The following WDR4 variants were observed in gnomAD, a reference collection of about 807,000 sequenced individuals.
The protein encoded by WDR4 is tRNA (guanine-N(7)-)-methyltransferase non-catalytic subunit WDR4.
In WDR4, 47 loss-of-function variants were observed where a neutral mutation model predicts 48.6. That is an observed-to-expected ratio of 0.97 (90% CI 0.77 to 1.23). The LOEUF (loss-of-function observed/expected upper bound fraction) is 1.23, where lower values mean the gene tolerates loss of function less well. Among genes scored for constraint, WDR4 ranks in the 50% most tolerant of loss-of-function variants. WDR4 has a pLI of 0.00. For missense variants in WDR4, 606 were observed against 551.6 expected (o/e 1.10, Z -0.99); for synonymous variants, 268 against 230.0 (o/e 1.17, Z -1.49).
upstream of WDR4, among the ~76,000 whole-genome samples, chr21:42,880,920 C>A (rs1031096505): frequency 6.8e-6 from 1 of 146,816 alleles, no homozygotes; most frequent in Non-Finnish European, 1.5e-5. Flanking sequence ...GCCCAAGAAG[C>A]CACTCCCACT....
At chr21:42,866,494 G>T (rs1294006187) in intron 3 of WDR4, among the ~76,000 whole-genome samples, 1 of 152,192 alleles carries the variant, frequency 6.6e-6, no homozygotes, top group Non-Finnish European at 1.5e-5. Context: ...GATGTGCTAA[G>T]CGTGGGCGGT....
chr21:42,878,320 C>T (rs1333840502), intron 1 of WDR4, among the ~76,000 whole-genome samples: 1 of 152,108 alleles, frequency 6.6e-6, no homozygotes. Flanking sequence ...CATATGGAAC[C>T]GTGGACTTGT....
chr21:42,873,506 G>C, intron 3 of WDR4, 45 bp downstream of exon 3: 1 of 1,609,576 alleles, frequency 6.2e-7, no homozygotes. Flanking sequence ...GCAAGGATAA[G>C]GTGTGCATTC....
At chr21:42,866,235 C>T (rs1297843028) in intron 3 of WDR4, among the ~76,000 whole-genome samples, 1 of 152,198 alleles carries the variant, frequency 6.6e-6, no homozygotes, top group Admixed American at 6.5e-5. Flanking sequence ...GCCCAGGTGG[C>T]AGGCCCTCCG....
At chr21:42,853,178 G>A (rs940774058) in intron 9 of WDR4, among the ~76,000 whole-genome samples, 6 of 152,234 alleles carry the variant, frequency 3.9e-5, no homozygotes, top group Admixed American at 2.0e-4. Context: ...TCCTCTACCC[G>A]GGGCTCCACA....
chr21:42,848,196 G>A (rs1007931140), downstream of WDR4, among the ~76,000 whole-genome samples: 2 of 152,208 alleles, frequency 1.3e-5, no homozygotes, highest in Non-Finnish European at 2.9e-5. Flanking sequence ...GTTCCTGTGT[G>A]GAGACTTCAT....
In WDR4 at chr21:42,862,184, G is replaced by A; in HGVS notation, c.566+98C>T. The stretch of plus-strand genomic sequence containing the variant: ...GCACGGGGGCTGCTGTCACCCGCGT[G>A]GGGCCTCGCCAGCTACAACGGCACC... On this transcript the variant is annotated intron_variant, in intron 5 of 10. Transcript: ENST00000398208. This position sits in a 1 kb window ranked among gnomAD's most constrained non-coding sequence, Gnocchi z 4.3. 8.9e-7 allele frequency: 1 copy of A among 1,122,004 alleles called. No individual in the cohort carries two copies. Among genetic ancestry groups the A allele is most frequent in the East Asian group, 2.6e-5 (1 of 38,736 alleles). The allele number at this position is 1,122,004 out of a possible 1,614,324, so 69.5% of individuals were successfully genotyped here. A position where few individuals can be genotyped will look rare whatever the true frequency, so the allele number is the denominator to read the frequency against.
At chr21:42,882,283 C>A (rs2146129382), upstream of WDR4, among the ~76,000 whole-genome samples, 1 of 149,978 alleles carries the variant, frequency 6.7e-6, no homozygotes, top group East Asian at 2.0e-4. Context: ...TATGGATTGG[C>A]CGGGTGCAGT....
At chr21:42,870,619 C>G (rs1486116847) in intron 3 of WDR4, among the ~76,000 whole-genome samples, 1 of 152,122 alleles carries the variant, frequency 6.6e-6, no homozygotes, top group Non-Finnish European at 1.5e-5. Flanking sequence ...GAAACCCCTT[C>G]TCTACTAAAA....
chr21:42,848,238 G>C (rs977239384), downstream of WDR4, among the ~76,000 whole-genome samples: 22 of 152,276 alleles, frequency 1.4e-4, no homozygotes, highest in African/African-American at 4.8e-4. Context: ...CGGCCTGAAC[G>C]AATTAAGTGA....
intron 3 of WDR4, among the ~76,000 whole-genome samples, 186 bp from the exon 4 acceptor site, chr21:42,863,782 C>A (rs1036291292): frequency 6.6e-6 from 1 of 151,866 alleles, no homozygotes; most frequent in Non-Finnish European, 1.5e-5. Flanking sequence ...ATGCCTTCGA[C>A]AAATTTACTT....
chr21:42,866,988 G>A (rs919092116), intron 3 of WDR4, among the ~76,000 whole-genome samples: 2 of 152,138 alleles, frequency 1.3e-5, no homozygotes, highest in Non-Finnish European at 2.9e-5. Flanking sequence ...CCATCGAGGC[G>A]GGATTTTGTA....
the WDR4 span, among the ~76,000 whole-genome samples, chr21:42,885,195 G>A: frequency 1.3e-5 from 2 of 152,172 alleles, 1 homozygote; most frequent in South Asian, 4.1e-4. Context: ...GTATTAAGAT[G>A]TAATAACTTC....
chr21:42,864,834 C>T (rs774655359), intron 3 of WDR4, among the ~76,000 whole-genome samples: 6 of 152,160 alleles, frequency 3.9e-5, no homozygotes, highest in Non-Finnish European at 8.8e-5. Flanking sequence ...TTCTATTTTA[C>T]ATAGATATGA....
At chr21:42,881,734 T>C (rs1318156811), upstream of WDR4, among the ~76,000 whole-genome samples, 1 of 152,250 alleles carries the variant, frequency 6.6e-6, no homozygotes, top group Non-Finnish European at 1.5e-5. Context: ...TAGGTACAAA[T>C]GTCTGTAGCA....
chr21:42,875,279 C>T (rs752234370), intron 2 of WDR4, among the ~76,000 whole-genome samples: 9 of 152,050 alleles, frequency 5.9e-5, no homozygotes, highest in Non-Finnish European at 8.8e-5. Context: ...AGCCCTGGCG[C>T]GGTGCCTCAC....
At chr21:42,855,373 C>T (rs1026030006) in intron 7 of WDR4, among the ~76,000 whole-genome samples, 2 of 152,212 alleles carry the variant, frequency 1.3e-5, no homozygotes, top group African/African-American at 4.8e-5. Context: ...GGCCTGGCCC[C>T]ACCCCTGCCC....
Position 42,853,761 on chromosome 21 carries a change from GAAGA to G in WDR4, c.792-13_792-10del. On this transcript the variant is annotated splice_polypyrimidine_tract_variant and intron_variant, in intron 8 of 10. Coordinates refer to ENST00000398208, the MANE Select transcript of WDR4 (RefSeq NM_018669.6). ...TGTAGACCACAGGAGTGCTTGCCAC[GAAGA>G]AAGAGAGCATGATTACTAGGACTGC... The G allele has an allele frequency of 6.5e-7, 1 of 1,547,938 alleles. No individual in the cohort carries two copies.
the WDR4 span, among the ~76,000 whole-genome samples, chr21:42,892,105 T>G: frequency 6.9e-6 from 1 of 145,168 alleles, no homozygotes; most frequent in African/African-American, 2.6e-5. Context: ...TTACAAAAAT[T>G]TAGCCGGGCG....
Sources: allele counts gnomAD v4.1 joint callset (sites outside exome capture counted in the v4.1 genomes callset), GRCh38; gene constraint gnomAD v4.1.1; non-coding constraint Gnocchi (gnomAD v3.1); transcripts MANE v1.5; gene names NCBI Gene and HGNC (gene_info 2026-07-23, HGNC 2026-07-21).